EPC2: variants seen among roughly 807,000 people sequenced by gnomAD.
EPC2 encodes the protein enhancer of polycomb homolog 2.
EPC2 carries 14 observed loss-of-function variants against 92.1 expected under a neutral mutation model. That is an observed-to-expected ratio of 0.15 (90% CI 0.10 to 0.24). The LOEUF (loss-of-function observed/expected upper bound fraction) is 0.24. Among genes scored for constraint, EPC2 ranks in the 10% least tolerant of loss-of-function variants. The probability of loss-of-function intolerance (pLI) is 1.00; values close to 1 mark genes in which losing one functional copy is unlikely to be tolerated. For missense variants in EPC2, 755 were observed against 971.5 expected (o/e 0.78, Z 2.96); for synonymous variants, 340 against 334.7 (o/e 1.02, Z -0.17).
intron 1 of EPC2, among the ~76,000 whole-genome samples, chr2:148,685,116 A>G (rs1681487976): frequency 6.6e-6 from 1 of 151,994 alleles, no homozygotes; most frequent in African/African-American, 2.4e-5. Flanking sequence ...TTTCTTATAT[A>G]TTCTTGATAG....
intron 1 of EPC2, among the ~76,000 whole-genome samples, chr2:148,645,708 A>T (rs1683783845): frequency 6.6e-6 from 1 of 152,172 alleles, no homozygotes; most frequent in Admixed American, 6.5e-5. Flanking sequence ...GAGGCGGTGC[A>T]GCACTGCGGC....
At chr2:148,651,155 G>A (rs1341981364) in intron 1 of EPC2, among the ~76,000 whole-genome samples, 1 of 152,160 alleles carries the variant, frequency 6.6e-6, no homozygotes, top group South Asian at 2.1e-4. Context: ...TGGGCTTTCA[G>A]GTTTGGTTGT....
At chr2:148,732,331 CTGTT>C (rs1217451984) in intron 2 of EPC2, among the ~76,000 whole-genome samples, 3 of 151,202 alleles carry the variant, frequency 2.0e-5, no homozygotes, top group South Asian at 2.1e-4. Context: ...TTATTGCAGT[CTGTT>C]TGTCTCAGCA....
At position 148,663,690 on chromosome 2, in the gene EPC2, C is replaced by G. The variant is rs560640408; in HGVS notation, c.153+18520C>G. Among the ~76,000 whole-genome samples, 6 of 146,508 alleles carry G rather than the reference C, an allele frequency of 4.1e-5. No individual in the cohort carries two copies. The South Asian group carries it at 1.3e-3, about 31-fold the overall frequency. On this transcript the variant is annotated intron_variant, in intron 1 of 13. Transcript: ENST00000258484. ...TTCTTATTCACTCTATAGCAGTAGT[C>G]CCCAACCTTTTTGACACCAGGGACC...
intron 10 of EPC2, among the ~76,000 whole-genome samples, chr2:148,774,682 T>C (rs1683592302): frequency 6.6e-6 from 1 of 150,470 alleles, no homozygotes; most frequent in Non-Finnish European, 1.5e-5. Context: ...TGAAGGAAAA[T>C]TGAAAAGTGT....
At chr2:148,716,877 T>A (rs1046748192) in intron 2 of EPC2, among the ~76,000 whole-genome samples, 4 of 152,208 alleles carry the variant, frequency 2.6e-5, no homozygotes, top group African/African-American at 9.7e-5. Context: ...CCTGGGCTTT[T>A]TTTGGTTGAT....
Position 148,710,842 on chromosome 2 carries a change from G to C in EPC2, c.313+20469G>C, listed in dbSNP as rs941629255. Among the ~76,000 whole-genome samples, 20 of 152,170 alleles carry C rather than the reference G, an allele frequency of 1.3e-4. 1 individual carries two copies. The highest frequency in any genetic ancestry group is 1.2e-3 in the Admixed American group (18 of 15,284). Reference sequence around the variant, plus strand: ...AGGGGAACATCACACACCGGGGCCTGTTGTGGGTTGGGGGGAGTGGGGAGG... The same window carrying C: ...AGGGGAACATCACACACCGGGGCCTCTTGTGGGTTGGGGGGAGTGGGGAGG... On this transcript the variant is annotated intron_variant, in intron 2 of 13. Transcript: ENST00000258484.
chr2:148,715,025 G>GTTTTTTTT (rs60115354), intron 2 of EPC2, among the ~76,000 whole-genome samples: 3 of 86,858 alleles, frequency 3.5e-5, no homozygotes, highest in African/African-American at 5.3e-5. Flanking sequence ...TTCTTCTAGG[G>GTTTTTTTT]TTTTTTTTTT....
chr2:148,768,080 C>T (rs1683450324), intron 7 of EPC2, among the ~76,000 whole-genome samples: 1 of 152,134 alleles, frequency 6.6e-6, no homozygotes, highest in Non-Finnish European at 1.5e-5. Flanking sequence ...GATGACCCTG[C>T]TCAGTGGTAA....
intron 2 of EPC2, among the ~76,000 whole-genome samples, chr2:148,731,527 C>T (rs1682627258): frequency 6.6e-6 from 1 of 152,102 alleles, no homozygotes; most frequent in African/African-American, 2.4e-5. Flanking sequence ...CTCAGCTTCC[C>T]GAATAGCTGG....
At chr2:148,716,613 A>G (rs1301445010) in intron 2 of EPC2, among the ~76,000 whole-genome samples, 1 of 152,182 alleles carries the variant, frequency 6.6e-6, no homozygotes, top group Non-Finnish European at 1.5e-5. Flanking sequence ...TGTGGTGGAT[A>G]AGGTTTTTGA....
chr2:148,708,458 A>C (rs6719011), intron 2 of EPC2, among the ~76,000 whole-genome samples: 29,525 of 152,164 alleles, frequency 0.19, 3,772 homozygotes, highest in East Asian at 0.48. Context: ...TCTTCCAATC[A>C]ATAGGAAAAG....
rs1016403508 is a variant in EPC2, at chr2:148,781,794, T to C, written c.1857+14T>C. 3 of 1,612,916 alleles carry C rather than the reference T, an allele frequency of 1.9e-6. No individual in the cohort carries two copies. Among genetic ancestry groups the C allele is most frequent in the Non-Finnish European group, 2.5e-6 (3 of 1,179,524 alleles). ...CCAAAAGCACAGGTAAACTGCTCTT[T>C]TCGTCATAGTTACGTTTGTTTCTTT... On this transcript the variant is annotated intron_variant, in intron 11 of 13. Coordinates refer to ENST00000258484, the MANE Select transcript of EPC2 (RefSeq NM_015630.4).
chr2:148,659,734 A>G (rs568214285), intron 1 of EPC2, among the ~76,000 whole-genome samples: 1 of 152,254 alleles, frequency 6.6e-6, no homozygotes, highest in South Asian at 2.1e-4. Flanking sequence ...AATTAAAAAA[A>G]ATCTAGATAC....
At chr2:148,675,330 A>G (rs1011496007) in intron 1 of EPC2, among the ~76,000 whole-genome samples, 3 of 152,120 alleles carry the variant, frequency 2.0e-5, no homozygotes, top group Non-Finnish European at 4.4e-5. Context: ...TCGTATCCCT[A>G]AATGCTACTT....
chr2:148,703,915 G>A (rs146618765), intron 2 of EPC2, among the ~76,000 whole-genome samples: 76 of 152,338 alleles, frequency 5.0e-4, no homozygotes, highest in African/African-American at 1.6e-3. Context: ...ACAAGTGTTA[G>A]CAAGGATGTG....
At chr2:148,690,955 G>A (rs998256886) in intron 2 of EPC2, among the ~76,000 whole-genome samples, 5 of 152,090 alleles carry the variant, frequency 3.3e-5, no homozygotes, top group East Asian at 1.9e-4. Context: ...GAGCTACCGC[G>A]CCCACCTGAG....
chr2:148,655,326 T>C (rs1680769349), intron 1 of EPC2, among the ~76,000 whole-genome samples: 1 of 152,170 alleles, frequency 6.6e-6, no homozygotes, highest in South Asian at 2.1e-4. Context: ...ATGGACTCTT[T>C]TGGCAGTCTG....
intron 2 of EPC2, among the ~76,000 whole-genome samples, chr2:148,725,944 G>A (rs1347280180): frequency 1.3e-5 from 2 of 152,072 alleles, no homozygotes; most frequent in African/African-American, 2.4e-5. Context: ...CTTAAACTAT[G>A]TATACCCATT....
Sources: gnomAD v4.1 joint callset for allele counts (sites outside exome capture counted in the v4.1 genomes callset) on GRCh38, gnomAD v4.1.1 for gene constraint, MANE v1.5 for transcripts, NCBI Gene and HGNC (gene_info 2026-07-23, HGNC 2026-07-21) for gene names.